The following NHSL3 variants were observed in gnomAD, a reference collection of about 807,000 sequenced individuals.
NHSL3 encodes the protein NHS like 3, also known as NHS-like protein 3.
At chr1:32,759,354 T>C in the NHSL3 span, among the ~76,000 whole-genome samples, 2 of 152,164 alleles carry the variant, frequency 1.3e-5, no homozygotes, top group Admixed American at 6.5e-5. Flanking sequence ...ATCCATAAGA[T>C]GGGGATAATC....
At chr1:32,771,732 T>C in the NHSL3 span, 1 of 1,613,682 alleles carries the variant, frequency 6.2e-7, no homozygotes, top group South Asian at 1.1e-5. Flanking sequence ...CCCCAGGGCA[T>C]GTGGCCAAGC....
At chr1:32,755,055 A>G in the NHSL3 span, among the ~76,000 whole-genome samples, 5 of 152,228 alleles carry the variant, frequency 3.3e-5, no homozygotes, top group East Asian at 1.9e-4. Flanking sequence ...CCAGGCTCCA[A>G]TGGGGAGGGG....
At chr1:32,759,411 G>A in the NHSL3 span, among the ~76,000 whole-genome samples, 3 of 152,176 alleles carry the variant, frequency 2.0e-5, no homozygotes, top group Non-Finnish European at 2.9e-5. Flanking sequence ...TTAGAATTGC[G>A]CCTTGGCTGA....
chr1:32,772,433 C>A, the NHSL3 span: 1 of 1,521,390 alleles, frequency 6.6e-7, no homozygotes, highest in Non-Finnish European at 8.8e-7. Flanking sequence ...ATGGGCCTCC[C>A]GGGCTCAGGT....
chr1:32,745,507 G>A, the NHSL3 span, among the ~76,000 whole-genome samples: 6 of 147,236 alleles, frequency 4.1e-5, no homozygotes, highest in Admixed American at 2.1e-4. Flanking sequence ...GCAGTGAGGC[G>A]AGATTGCACC....
the NHSL3 span, among the ~76,000 whole-genome samples, chr1:32,747,816 A>G: frequency 6.6e-6 from 1 of 152,178 alleles, no homozygotes; most frequent in East Asian, 1.9e-4. Flanking sequence ...TACAAAAATC[A>G]AAAATTATGG....
the NHSL3 span, chr1:32,768,861 A>T: frequency 6.7e-7 from 1 of 1,488,718 alleles, no homozygotes; most frequent in South Asian, 1.3e-5. Flanking sequence ...CCAGTGTTTC[A>T]CCAGGCTCTC....
the NHSL3 span, chr1:32,771,862 C>T: frequency 1.3e-5 from 20 of 1,597,626 alleles, no homozygotes; most frequent in South Asian, 1.0e-4. Context: ...CGTGGGTGCT[C>T]CAGGAGGGGC....
chr1:32,769,068 GTGAA>G, the NHSL3 span: 2 of 256,780 alleles, frequency 7.8e-6, no homozygotes, highest in Non-Finnish European at 1.5e-5. Flanking sequence ...GGCTAACACG[GTGAA>G]TGAAACCCCG....
the NHSL3 span, chr1:32,771,916 C>T: frequency 1.3e-6 from 2 of 1,594,368 alleles, no homozygotes; most frequent in Non-Finnish European, 1.7e-6. Flanking sequence ...GAAACCACTG[C>T]GAAGGGCCCT....
chr1:32,768,200 T>G, the NHSL3 span: 2 of 973,016 alleles, frequency 2.1e-6, no homozygotes, highest in Admixed American at 3.6e-5. Context: ...TTTCTGGGTC[T>G]CAGTTTCTTT....
the NHSL3 span, among the ~76,000 whole-genome samples, chr1:32,755,563 G>T: frequency 3.9e-5 from 6 of 152,158 alleles, no homozygotes; most frequent in Non-Finnish European, 5.9e-5. Context: ...CAGGGGTTCT[G>T]TCTGTGAAAT....
the NHSL3 span, among the ~76,000 whole-genome samples, chr1:32,761,674 A>G: frequency 2.6e-5 from 4 of 152,182 alleles, no homozygotes; most frequent in African/African-American, 7.2e-5. Flanking sequence ...GCCTCGAAGA[A>G]CTTTTGTAAG....
the NHSL3 span, chr1:32,767,769 C>T: frequency 1.3e-6 from 2 of 1,590,336 alleles, no homozygotes; most frequent in African/African-American, 1.3e-5. Flanking sequence ...CATTTCCCTT[C>T]CTCCTCCCTC....
the NHSL3 span, among the ~76,000 whole-genome samples, chr1:32,748,400 C>G: frequency 5.9e-5 from 9 of 152,152 alleles, no homozygotes; most frequent in Non-Finnish European, 8.8e-5. Context: ...AGTCAAGTCT[C>G]TGGGGTCGTG....
the NHSL3 span, among the ~76,000 whole-genome samples, chr1:32,745,360 C>T: frequency 2.8e-3 from 432 of 151,840 alleles, 1 homozygote; most frequent in Non-Finnish European, 4.2e-3. Context: ...GAGTTTAAGA[C>T]CAGCCTGACC....
At chr1:32,773,319 C>G in the NHSL3 span, 1 of 203,006 alleles carries the variant, frequency 4.9e-6, no homozygotes, top group South Asian at 1.0e-4. Flanking sequence ...TCCTCCAGGG[C>G]CCAGGAAGTT....
the NHSL3 span, among the ~76,000 whole-genome samples, chr1:32,748,001 T>G: frequency 1.3e-5 from 2 of 152,146 alleles, no homozygotes; most frequent in Non-Finnish European, 2.9e-5. Flanking sequence ...CCCAGGCTAC[T>G]CGGGAGGCTG....
the NHSL3 span, chr1:32,771,452 A>G: frequency 1.9e-6 from 3 of 1,579,988 alleles, no homozygotes; most frequent in African/African-American, 4.2e-5. Context: ...TCTGCCTCAG[A>G]GACTGCTGAG....
Sources: allele counts gnomAD v4.1 joint callset (sites outside exome capture counted in the v4.1 genomes callset), GRCh38; gene constraint gnomAD v4.1.1; transcripts MANE v1.5; gene names NCBI Gene and HGNC (gene_info 2026-07-23, HGNC 2026-07-21).